SEMA4C: variants seen among roughly 807,000 people sequenced by gnomAD.
SEMA4C encodes semaphorin 4C.
In SEMA4C, 19 loss-of-function variants were observed where a neutral mutation model predicts 89.0. The ratio of observed to expected loss-of-function variants is 0.21; its 90% CI spans 0.15 to 0.31. SEMA4C has a LOEUF of 0.31. Ranked by LOEUF, SEMA4C falls within the 10% of genes least tolerant of loss-of-function variation. The pLI is 1.00. For missense variants in SEMA4C, 811 were observed against 1,107.0 expected (o/e 0.73, Z 3.79); for synonymous variants, 428 against 472.7 (o/e 0.91, Z 1.23).
chr2:96,867,654 C>G (rs1054109765), intron 2 of SEMA4C, 124 bp downstream of exon 2: 4 of 1,033,438 alleles, frequency 3.9e-6, no homozygotes, highest in Non-Finnish European at 6.0e-6. Context: ...CCACACTGCC[C>G]GTTCTTCCAA....
rs779341680 is a variant in SEMA4C at position 96,861,560 on chromosome 2, C to CG, written c.1672+18dup. On this transcript the variant is annotated intron_variant, in intron 14 of 14. Transcript: ENST00000305476. This position sits in a 1 kb window ranked among gnomAD's most constrained non-coding sequence, Gnocchi z 7.8. ...TGGTCCAGGGCTCAGCCCGATGCGA[C>CG]GGGAATGAAAAAGCTCACCTTTCTT... 6.3e-7 allele frequency: 1 copy of CG among 1,597,614 alleles called. No homozygotes were observed. Among genetic ancestry groups the CG allele is most frequent in the Non-Finnish European group, 8.6e-7 (1 of 1,169,142 alleles).
chr2:96,860,841 G>A lies in SEMA4C; in HGVS notation c.2287C>T (p.Pro763Ser), dbSNP rs898667933. The A allele has an allele frequency of 6.2e-7, 1 of 1,613,314 alleles. No individual in the cohort carries two copies. Among genetic ancestry groups the A allele is most frequent in the Non-Finnish European group, 8.5e-7 (1 of 1,180,014 alleles). Residue 763 changes from proline (P) to serine (S), a missense_variant, in exon 15 of 15, where the codon CCA (proline) becomes TCA (serine). This residue lies in a region of SEMA4C where 248 missense variants were observed against 269.0 expected (regional missense o/e 0.92). Transcript: ENST00000305476. ...GGCAGAGGCTGGCCTGGGATGCCTG[G>A]AGGTGGCGAAGGGGGCCCCCCACCG... ...QPGGGPPSPP[P>S]GIPGQPLPSP...
chr2:96,869,372 C>T, intron 1 of SEMA4C: 3 of 985,308 alleles, frequency 3.0e-6, no homozygotes, highest in Non-Finnish European at 3.6e-6. Flanking sequence ...TGGACCGCGG[C>T]CCTCCCTGCA....
rs2079950039 is a variant in SEMA4C at position 96,861,768 on chromosome 2, T to C, written c.1570A>G (p.Ser524Gly). 6.2e-7 allele frequency: 1 copy of C among 1,613,358 alleles called. No individual in the cohort carries two copies. The highest frequency in any genetic ancestry group is 1.1e-5 in the South Asian group (1 of 91,080). The change falls in exon 13 of 15, where the codon AGC (serine) becomes GGC (glycine). Residue 524 changes from serine to glycine, a missense_variant. Physicochemically the swap from Ser to Gly is moderately conservative, Grantham distance 56. Around this residue, in one of 4 missense-constraint regions of SEMA4C, gnomAD observed 441 missense variants for 664.9 expected, o/e 0.66. Transcript: ENST00000305476. The surrounding 1 kb of genome is among the most constrained non-coding windows in gnomAD (Gnocchi z 7.8). Reference sequence around the variant, plus strand: ...TGGCCACCCACGGCCACACAGCGGCTGGTGTTGACGCTCCAGGCGCAATAG... The same window carrying C: ...TGGCCACCCACGGCCACACAGCGGCCGGTGTTGACGCTCCAGGCGCAATAG... ...DPYCAWSVNT[S>G]RCVAVGGHSG... is the part of the protein sequence containing the mutation.
chr2:96,869,658 G>GGGGCTGCA (rs1279019158), intron 1 of SEMA4C: 45 of 984,912 alleles, frequency 4.6e-5, no homozygotes, highest in Non-Finnish European at 5.3e-5. Flanking sequence ...CCGGGGCTGC[G>GGGGCTGCA]GGGCTGCAGG....
At chr2:96,865,394 C>G (rs772253265) in intron 6 of SEMA4C, 47 bp downstream of exon 6, 1 of 1,611,256 alleles carries the variant, frequency 6.2e-7, no homozygotes, top group Non-Finnish European at 8.5e-7. Flanking sequence ...CCAAGTGGAA[C>G]CAAGCCCCAA....
Position 96,864,019 on chromosome 2 carries a change from G to A in SEMA4C, c.1237C>T (p.Leu413Phe). 1.2e-6 allele frequency: 2 copies of A among 1,613,292 alleles called. No homozygotes were observed. Among genetic ancestry groups the A allele is most frequent in the Non-Finnish European group, 1.7e-6 (2 of 1,179,978 alleles). The stretch of plus-strand genomic sequence containing the variant: ...GTGAAGTTGGTGCCCTTCTTCACGA[G>A]CAGGGGGCGGCTCCACCGAGGCCCC... Reference protein sequence around the residue: ...QVGPRWSRPLLVKKGTNFTHL... With the variant: ...QVGPRWSRPLFVKKGTNFTHL... The change falls in exon 11 of 15, where the codon CTC (leucine) becomes TTC (phenylalanine). Residue 413 changes from leucine to phenylalanine, a missense_variant. Leu to Phe is a conservative substitution (Grantham distance 22, BLOSUM62 0). Coordinates refer to ENST00000305476, the MANE Select transcript of SEMA4C (RefSeq NM_017789.5). This position sits in a 1 kb window ranked among gnomAD's most constrained non-coding sequence, Gnocchi z 6.3.
intron 1 of SEMA4C, chr2:96,869,322 G>A: frequency 2.0e-6 from 2 of 985,332 alleles, no homozygotes; most frequent in Non-Finnish European, 2.4e-6. Flanking sequence ...GGATCCAGGC[G>A]GGGCACCCCA....
intron 2 of SEMA4C, 147 bp downstream of exon 2, chr2:96,867,631 C>G (rs1266952798): frequency 2.4e-6 from 2 of 846,114 alleles, no homozygotes; most frequent in African/African-American, 3.5e-5. Context: ...GGAGGCTAAT[C>G]CCAGGTCCCA....
upstream of SEMA4C, chr2:96,870,557 C>T (rs985822417): frequency 4.1e-6 from 4 of 985,470 alleles, no homozygotes; most frequent in Non-Finnish European, 4.8e-6. Context: ...TGCCGTTTGG[C>T]CCCCAATTCT....
Position 96,861,817 on chromosome 2 carries a change from T to C in SEMA4C, c.1521A>G (p.Ala507=), listed in dbSNP as rs2079951436. Residue 507 remains alanine (A), a synonymous_variant, in exon 13 of 15, where the codon GCA becomes GCG. Coordinates refer to ENST00000305476, the MANE Select transcript of SEMA4C (RefSeq NM_017789.5). This position sits in a 1 kb window ranked among gnomAD's most constrained non-coding sequence, Gnocchi z 7.8. ...VADCMKYRSC[A]DCVLARDPYC... ...AGGGGTCCCGGGCGAGGACACAGTC[T>C]GCACAGGAGCGATACTTCATGCAGT... The C allele has an allele frequency of 1.2e-6, 2 of 1,612,962 alleles. No homozygotes were observed. The highest frequency in any genetic ancestry group is 4.5e-5 in the East Asian group (2 of 44,888).
chr2:96,869,516 C>G, intron 1 of SEMA4C: 1 of 985,260 alleles, frequency 1.0e-6, no homozygotes, highest in Non-Finnish European at 1.2e-6. Context: ...CCCACAACAT[C>G]GGCCTCCCTC....
At position 96,865,343 on chromosome 2, in the gene SEMA4C, AGGCCACACATGAGGTATGGACACATCC is replaced by A. The variant is rs905582638; in HGVS notation, c.518-50_518-24del. On this transcript the variant is annotated intron_variant, in intron 6 of 14. Coordinates refer to ENST00000305476, the MANE Select transcript of SEMA4C (RefSeq NM_017789.5). ...CATCTATGGGAGACAGAGGTCAGCT[AGGCCACACATGAGGTATGGACACATCC>A]GGCCAACACAGACCCAAGTGGAACC... 7 of 1,612,832 alleles carry A rather than the reference AGGCCACACATGAGGTATGGACACATCC, an allele frequency of 4.3e-6. No homozygotes were observed. The African/African-American group carries it at 9.3e-5, about 22-fold the overall frequency.
Position 96,865,128 on chromosome 2 carries a change from G to A in SEMA4C, c.635-13C>T. The A allele has an allele frequency of 6.3e-7, 1 of 1,588,144 alleles. No homozygotes were observed. The highest frequency in any genetic ancestry group is 8.6e-7 in the Non-Finnish European group (1 of 1,167,218). On this transcript the variant is annotated splice_polypyrimidine_tract_variant and intron_variant, in intron 7 of 14. Coordinates refer to ENST00000305476, the MANE Select transcript of SEMA4C (RefSeq NM_017789.5). ...ACAAAGTGAGGTTCTGTGGGAAGGG[G>A]AGGAGGTCAGCAGGGAGGGGCTGGG... is the stretch of plus-strand genomic sequence containing the variant.
chr2:96,864,941 C>T lies in SEMA4C; in HGVS notation c.786+23G>A, dbSNP rs1390068648. ...CGCTGGGCCAGCAGGGCTCCCAGGG[C>T]CCACCGCTGTGAGACTCGGTACCTT... On this transcript the variant is annotated intron_variant, in intron 8 of 14. Transcript: ENST00000305476. This position sits in a 1 kb window ranked among gnomAD's most constrained non-coding sequence, Gnocchi z 6.3. 6.2e-7 allele frequency: 1 copy of T among 1,604,526 alleles called. No homozygotes were observed. The highest frequency in any genetic ancestry group is 8.5e-7 in the Non-Finnish European group (1 of 1,176,094).
chr2:96,864,770 C>A lies in SEMA4C; in HGVS notation c.897G>T (p.Ala299=). ...AGGAGGTGTCCTGCAGGGTGTGCAT[C>A]GCCTGCAGCTGGTTGAAGTAGAGCT... ...NWQLYFNQLQ[A]MHTLQDTSWH... Residue 299 remains alanine, a synonymous_variant, in exon 9 of 15, where the codon GCG becomes GCT. Transcript: ENST00000305476. The surrounding 1 kb of genome is among the most constrained non-coding windows in gnomAD (Gnocchi z 6.3). 6.2e-7 allele frequency: 1 copy of A among 1,613,942 alleles called. No homozygotes were observed. The highest frequency in any genetic ancestry group is 1.1e-5 in the South Asian group (1 of 91,088).
rs368811946 is a variant in SEMA4C at position 96,868,365 on chromosome 2, G to A, written c.-37-442C>T. ...TTCTGGGAGGAAGACTCCTTAGGGCGACGAGGGCATGCGGTGGGGTAGGCG... is the reference window on the plus strand; with the variant it reads ...TTCTGGGAGGAAGACTCCTTAGGGCAACGAGGGCATGCGGTGGGGTAGGCG... On this transcript the variant is annotated intron_variant, in intron 1 of 14. Coordinates refer to ENST00000305476, the MANE Select transcript of SEMA4C (RefSeq NM_017789.5). The A allele has an allele frequency of 2.5e-5, 24 of 959,842 alleles. No homozygotes were observed. The East Asian group carries it at 6.1e-4, about 25-fold the overall frequency. 59.5% of individuals were successfully genotyped at this position (959,842 alleles called of 1,614,324 possible).
In SEMA4C at chr2:96,867,784, A is replaced by G; in HGVS notation, c.103T>C (p.Ser35Pro). ...WNLVPRKTVS[S>P]GELATVVRRF... ...CACCCCTCCAGGCACTCACCCCCAG[A>G]AGACACTGTCTTACGCGGCACAAGG... The change falls in exon 2 of 15, where the codon TCT becomes CCT. Residue 35 changes from serine (S) to proline (P), a missense_variant. Ser to Pro is a moderately conservative substitution (Grantham distance 74). Around this residue, in one of 4 missense-constraint regions of SEMA4C, gnomAD observed 119 missense variants for 152.7 expected, o/e 0.78. Transcript: ENST00000305476. 6.2e-7 allele frequency: 1 copy of G among 1,613,420 alleles called. No homozygotes were observed. Among genetic ancestry groups the G allele is most frequent in the Non-Finnish European group, 8.5e-7 (1 of 1,179,812 alleles).
rs1202384225 is a variant in SEMA4C, at chr2:96,864,065, G to A, written c.1191C>T (p.His397=). ...GCCCCACCTGCTCCTCCATCAGCGG[G>A]TGCTTCTTGACGAAGTTGAGGATGT... ...PDNILNFVKK[H]PLMEEQVGPR... The change falls in exon 11 of 15, where the codon CAC becomes CAT. Residue 397 remains histidine, a synonymous_variant. Transcript: ENST00000305476. The surrounding 1 kb of genome is among the most constrained non-coding windows in gnomAD (Gnocchi z 6.3). 2.5e-6 allele frequency: 4 copies of A among 1,613,280 alleles called. No homozygotes were observed. Among genetic ancestry groups the A allele is most frequent in the Non-Finnish European group, 3.4e-6 (4 of 1,180,018 alleles).
Sources: gnomAD v4.1 joint callset for allele counts on GRCh38, gnomAD v4.1.1 for gene constraint, gnomAD v4.1.1 regional missense constraint, Gnocchi (gnomAD v3.1) non-coding constraint, MANE v1.5 for transcripts, NCBI Gene and HGNC (gene_info 2026-07-23, HGNC 2026-07-21) for gene names.